Variants in FAM117B observed in about 807,000 individuals in gnomAD.
FAM117B encodes family with sequence similarity 117 member B.
A neutral mutation model predicts 52.8 loss-of-function variants in FAM117B; 22 were observed. That is an observed-to-expected ratio of 0.42 (90% CI 0.30 to 0.59). The LOEUF is 0.59. FAM117B is among the 20% of genes least tolerant of loss of function. The pLI is 0.22. For missense variants in FAM117B, 678 were observed against 802.6 expected, an observed-to-expected ratio of 0.84 and a Z score of 1.88; for synonymous variants, 309 against 324.1, an observed-to-expected ratio of 0.95 and a Z score of 0.50.
At chr2:202,673,865 C>T (rs967435171) in intron 1 of FAM117B, among the ~76,000 whole-genome samples, 2 of 152,100 alleles carry the variant, frequency 1.3e-5, no homozygotes, top group Non-Finnish European at 2.9e-5. Context: ...GTGACTTTTG[C>T]CTGATGACTT....
At chr2:202,668,619 CTAAT>C (rs929201349) in intron 1 of FAM117B, among the ~76,000 whole-genome samples, 4 of 108,954 alleles carry the variant, frequency 3.7e-5, no homozygotes, top group African/African-American at 5.7e-5. Context: ...GATCTTGTTC[CTAAT>C]AAATAAATAA....
intron 2 of FAM117B, among the ~76,000 whole-genome samples, chr2:202,719,673 AT>A (rs1691119587): frequency 6.6e-6 from 1 of 152,154 alleles, no homozygotes; most frequent in Non-Finnish European, 1.5e-5. Flanking sequence ...TATTTAATAT[AT>A]GGTTTATATT....
Position 202,765,438 on chromosome 2 carries a change from A to G in FAM117B, c.1452-8A>G, listed in dbSNP as rs1352240428. ...TTAAAAGCATTGGGTTGTCTGTTCT[A>G]TGTCTAGGCCAAAACAGCTTCATGA... On this transcript the variant is annotated splice_polypyrimidine_tract_variant and splice_region_variant and intron_variant, in intron 7 of 7. Transcript: ENST00000392238. The G allele has an allele frequency of 7.5e-6, 12 of 1,607,634 alleles. No individual in the cohort carries two copies. In the East Asian group the frequency reaches 2.5e-4, roughly 33 times the overall value.
intron 4 of FAM117B, among the ~76,000 whole-genome samples, chr2:202,744,434 C>T (rs1050816449): frequency 6.6e-6 from 1 of 152,148 alleles, no homozygotes; most frequent in East Asian, 1.9e-4. Flanking sequence ...TTAATCTATT[C>T]ATGAGAAATC....
At chr2:202,764,620 G>T (rs1188277348) in intron 7 of FAM117B, among the ~76,000 whole-genome samples, 5 of 152,038 alleles carry the variant, frequency 3.3e-5, no homozygotes, top group African/African-American at 9.7e-5. Context: ...CCTAAGTCTT[G>T]ATTTATTTAG....
intron 1 of FAM117B, among the ~76,000 whole-genome samples, chr2:202,682,160 A>G (rs1256027264): frequency 6.6e-6 from 1 of 151,970 alleles, no homozygotes; most frequent in African/African-American, 2.4e-5. Context: ...CGGCAATAAA[A>G]TCTCCCGCAT....
intron 2 of FAM117B, among the ~76,000 whole-genome samples, chr2:202,706,181 A>G (rs1690866390): frequency 6.6e-6 from 1 of 151,960 alleles, no homozygotes; most frequent in Non-Finnish European, 1.5e-5. Context: ...ATGCCCCCAC[A>G]TGTCTTTCTC....
At chr2:202,693,330 C>T (rs557060894) in intron 1 of FAM117B, among the ~76,000 whole-genome samples, 6 of 146,438 alleles carry the variant, frequency 4.1e-5, no homozygotes, top group South Asian at 4.2e-4. Context: ...TAACACTGGC[C>T]GGGTGTGGTG....
At chr2:202,753,791 C>T (rs1156289004) in intron 4 of FAM117B, among the ~76,000 whole-genome samples, 1 of 151,562 alleles carries the variant, frequency 6.6e-6, no homozygotes, top group Non-Finnish European at 1.5e-5. Flanking sequence ...CATCACTGAT[C>T]ATCAGAGAAA....
At chr2:202,685,629 A>G (rs1387479686) in intron 1 of FAM117B, among the ~76,000 whole-genome samples, 1 of 152,238 alleles carries the variant, frequency 6.6e-6, no homozygotes, top group East Asian at 1.9e-4. Context: ...ATAATAGAAC[A>G]TTGAGAAATA....
At chr2:202,636,743 C>G (rs1476809042) in intron 1 of FAM117B, among the ~76,000 whole-genome samples, 1 of 152,102 alleles carries the variant, frequency 6.6e-6, no homozygotes, top group African/African-American at 2.4e-5. Context: ...TGGGGAACTT[C>G]TGTTAGAATT....
At chr2:202,762,850 G>T (rs1360832750) in intron 7 of FAM117B, among the ~76,000 whole-genome samples, 1 of 151,728 alleles carries the variant, frequency 6.6e-6, no homozygotes, top group Admixed American at 6.6e-5. Context: ...TCTGTTTCTC[G>T]ATCTGATCAG....
chr2:202,716,316 G>C lies in FAM117B; in HGVS notation c.754-8601G>C, dbSNP rs377502493. Among the ~76,000 whole-genome samples the C allele has an allele frequency of 5.3e-5, 8 of 152,076 alleles. 1 individual carries two copies. Among genetic ancestry groups the C allele is most frequent in the East Asian group, 1.9e-4 (1 of 5,174 alleles). On this transcript the variant is annotated intron_variant, in intron 2 of 7. Coordinates refer to ENST00000392238, the MANE Select transcript of FAM117B (RefSeq NM_173511.4). ...TCTTGTAGGCAGCAGATCATTGGGT[G>C]TGTTGTTTTTATTCATGTAGCCACT...
At position 202,757,410 on chromosome 2, in the gene FAM117B, T is replaced by A; in HGVS notation, c.1302T>A (p.Asp434Glu). Reference sequence around the variant, plus strand: ...GCGAGGAGAGTCCTTGCTCAGCGGATGACCTGCTTGTTGATCCCAGAGATA... The same window carrying A: ...GCGAGGAGAGTCCTTGCTCAGCGGAAGACCTGCTTGTTGATCCCAGAGATA... The part of the protein sequence containing the change: ...EGSEESPCSA[D>E]DLLVDPRDKE... Residue 434 changes from aspartate (D) to glutamate (E), a missense_variant, in exon 6 of 8, where the codon GAT (aspartate) becomes GAA (glutamate). Physicochemically the swap from Asp to Glu is conservative, Grantham distance 45. Transcript: ENST00000392238. 1.2e-6 allele frequency: 2 copies of A among 1,614,102 alleles called. No homozygotes were observed. Among genetic ancestry groups the A allele is most frequent in the Non-Finnish European group, 8.5e-7 (1 of 1,180,016 alleles).
At position 202,757,358 on chromosome 2, in the gene FAM117B, C is replaced by T. The variant is rs781634515; in HGVS notation, c.1250C>T (p.Ser417Leu). 5 of 1,614,008 alleles carry T rather than the reference C, an allele frequency of 3.1e-6. No homozygotes were observed. The highest frequency in any genetic ancestry group is 2.2e-5 in the East Asian group (1 of 44,894). The change falls in exon 6 of 8, where the codon TCG (serine) becomes TTG (leucine). Residue 417 changes from serine (S) to leucine (L), a missense_variant. Around this residue, in one of 3 missense-constraint regions of FAM117B, gnomAD observed 583 missense variants for 644.8 expected, o/e 0.90. Transcript: ENST00000392238. ...SSRSQSVSPT[S>L]FLTISNEGSE... ...CGTTCCCAGTCCGTGTCCCCAACAT[C>T]GTTCCTCACCATTTCCAATGAAGGT...
intron 1 of FAM117B, among the ~76,000 whole-genome samples, chr2:202,649,833 G>T (rs1040306581): frequency 6.6e-6 from 1 of 151,896 alleles, no homozygotes; most frequent in Non-Finnish European, 1.5e-5. Flanking sequence ...ATTTACAAGC[G>T]TGAACCACCG....
chr2:202,689,314 C>T lies in FAM117B; in HGVS notation c.602-6567C>T, dbSNP rs544707893. ...AAAATTAGCCAGGCGTAGTGGCGTA[C>T]GCCTGGAGTCTCAGCTACTTGGGAG... On this transcript the variant is annotated intron_variant, in intron 1 of 7. Coordinates refer to ENST00000392238, the MANE Select transcript of FAM117B (RefSeq NM_173511.4). 2.2e-4 allele frequency among the ~76,000 whole-genome samples: 33 copies of T among 152,138 alleles called. 1 individual carries two copies. The highest frequency in any genetic ancestry group is 5.9e-4 in the Admixed American group (9 of 15,276).
chr2:202,756,587 A>G (rs552437164), intron 5 of FAM117B, among the ~76,000 whole-genome samples: 18 of 152,264 alleles, frequency 1.2e-4, no homozygotes, highest in African/African-American at 4.3e-4. Flanking sequence ...GGTTTAGCTT[A>G]GAGAAAATAC....
At chr2:202,762,477 T>G (rs1388244939) in intron 7 of FAM117B, among the ~76,000 whole-genome samples, 1 of 152,244 alleles carries the variant, frequency 6.6e-6, no homozygotes, top group Non-Finnish European at 1.5e-5. Context: ...CCTTAGATTC[T>G]TACACATTAT....
Sources: allele counts gnomAD v4.1 joint callset (sites outside exome capture counted in the v4.1 genomes callset), GRCh38; gene constraint gnomAD v4.1.1; regional missense constraint gnomAD v4.1.1; transcripts MANE v1.5; gene names NCBI Gene and HGNC (gene_info 2026-07-23, HGNC 2026-07-21).